ELP4: variants seen among roughly 807,000 people sequenced by gnomAD.
ELP4 encodes the protein elongator acetyltransferase complex subunit 4, also known as elongator complex protein 4.
A neutral mutation model predicts 48.9 loss-of-function variants in ELP4; 51 were observed. That is an observed-to-expected ratio of 1.04 (90% CI 0.83 to 1.32). The LOEUF (loss-of-function observed/expected upper bound fraction) is 1.32. Among genes scored for constraint, ELP4 ranks in the 40% most tolerant of loss-of-function variants. The pLI is 0.00. For synonymous variants in ELP4, 210 were observed against 189.2 expected, an observed-to-expected ratio of 1.11 and a Z score of -0.90; for missense variants, 519 against 514.6, an observed-to-expected ratio of 1.01 and a Z score of -0.08.
At chr11:31,682,474 C>A (rs1004029416) in intron 9 of ELP4, among the ~76,000 whole-genome samples, 1 of 152,176 alleles carries the variant, frequency 6.6e-6, no homozygotes, top group Non-Finnish European at 1.5e-5. Context: ...GCTCCCTGAG[C>A]CTAGCCTAGC....
chr11:31,602,560 A>G (rs543804725), intron 4 of ELP4, among the ~76,000 whole-genome samples: 1 of 151,996 alleles, frequency 6.6e-6, no homozygotes, highest in South Asian at 2.1e-4. Flanking sequence ...TGTCAAACCC[A>G]CAGACTCTGA....
intron 9 of ELP4, among the ~76,000 whole-genome samples, chr11:31,720,400 T>C (rs1052888637): frequency 6.6e-6 from 1 of 152,182 alleles, no homozygotes; most frequent in African/African-American, 2.4e-5. Context: ...AGTCCCAAGA[T>C]AGTTTGGCAC....
At chr11:31,560,140 T>A (rs1328266146) in intron 3 of ELP4, among the ~76,000 whole-genome samples, 1 of 152,138 alleles carries the variant, frequency 6.6e-6, no homozygotes, top group Non-Finnish European at 1.5e-5. Flanking sequence ...TGTGTTCCTG[T>A]GCTAGGAATT....
chr11:31,597,952 CTTTTT>C (rs58093641), intron 4 of ELP4, among the ~76,000 whole-genome samples: 1 of 96,296 alleles, frequency 1.0e-5, no homozygotes, highest in Non-Finnish European at 2.0e-5. Flanking sequence ...AGCCTTTTCT[CTTTTT>C]TTTTTTTTTT....
At chr11:31,648,028 CTA>C (rs1412858439) in intron 8 of ELP4, 179 bp downstream of exon 8, 2 of 467,994 alleles carry the variant, frequency 4.3e-6, no homozygotes, top group African/African-American at 4.0e-5. Context: ...TACATTAAGA[CTA>C]TAGACTATAA....
intron 5 of ELP4, among the ~76,000 whole-genome samples, chr11:31,607,227 C>G (rs1240739977): frequency 6.6e-6 from 1 of 152,144 alleles, no homozygotes; most frequent in Non-Finnish European, 1.5e-5. Flanking sequence ...TTTAAGCCCC[C>G]CAATCTATGG....
At chr11:31,748,243 CTT>C (rs374889218) in intron 9 of ELP4, among the ~76,000 whole-genome samples, 17 of 130,510 alleles carry the variant, frequency 1.3e-4, no homozygotes, top group Admixed American at 2.3e-4. Context: ...AAACCAAGAT[CTT>C]TTTTTTTTTT....
intron 9 of ELP4, among the ~76,000 whole-genome samples, chr11:31,684,337 G>A (rs1946117920): frequency 6.6e-6 from 1 of 152,058 alleles, no homozygotes; most frequent in Non-Finnish European, 1.5e-5. Flanking sequence ...CTCCCAAGTA[G>A]CTGAAATTAC....
intron 9 of ELP4, among the ~76,000 whole-genome samples, chr11:31,727,405 T>G (rs1302528194): frequency 6.6e-6 from 1 of 152,118 alleles, no homozygotes; most frequent in Non-Finnish European, 1.5e-5. Flanking sequence ...TCATGTTCTT[T>G]CTAATATAGC....
chr11:31,745,360 T>C (rs531816216), intron 9 of ELP4, among the ~76,000 whole-genome samples: 1 of 152,186 alleles, frequency 6.6e-6, no homozygotes, highest in African/African-American at 2.4e-5. Flanking sequence ...AAGCTACCAA[T>C]GACTTTCTTC....
At chr11:31,722,355 G>A (rs1946980848) in intron 9 of ELP4, among the ~76,000 whole-genome samples, 1 of 152,092 alleles carries the variant, frequency 6.6e-6, no homozygotes. Context: ...TGATAATCTT[G>A]GAAATATTGA....
chr11:31,632,351 T>C lies in ELP4; in HGVS notation c.873T>C (p.Leu291=), dbSNP rs762938772. ...LTKFLYVLRG[L]LRTSLSACII... ...AGTTCCTCTATGTTCTCCGTGGTCTTCTGAGAACCTCTCTTTCAGCCTGCA... is the reference window on the plus strand; with the variant it reads ...AGTTCCTCTATGTTCTCCGTGGTCTCCTGAGAACCTCTCTTTCAGCCTGCA... The change falls in exon 7 of 10, where the codon CTT becomes CTC. Residue 291 remains leucine (L), a synonymous_variant. Coordinates refer to ENST00000640961, the MANE Select transcript of ELP4 (RefSeq NM_019040.5). The C allele has an allele frequency of 6.2e-7, 1 of 1,613,342 alleles. No individual in the cohort carries two copies. The highest frequency in any genetic ancestry group is 8.5e-7 in the Non-Finnish European group (1 of 1,179,624).
intron 3 of ELP4, among the ~76,000 whole-genome samples, chr11:31,565,003 A>G (rs1388878014): frequency 6.6e-6 from 1 of 152,204 alleles, no homozygotes; most frequent in African/African-American, 2.4e-5. Flanking sequence ...ACAGTATAAA[A>G]GTGTTCCTAT....
At chr11:31,719,113 G>T (rs777595347) in intron 9 of ELP4, among the ~76,000 whole-genome samples, 13 of 152,054 alleles carry the variant, frequency 8.5e-5, no homozygotes, top group Admixed American at 2.6e-4. Context: ...TTAAAAATTA[G>T]CCAGGTGTGG....
chr11:31,668,053 T>G (rs1462237869), intron 9 of ELP4, among the ~76,000 whole-genome samples: 1 of 152,210 alleles, frequency 6.6e-6, no homozygotes, highest in Non-Finnish European at 1.5e-5. Context: ...TGCTTTATAG[T>G]AAATATTCAA....
intron 3 of ELP4, among the ~76,000 whole-genome samples, chr11:31,580,108 C>T (rs1357347086): frequency 6.6e-6 from 1 of 152,064 alleles, no homozygotes; most frequent in Non-Finnish European, 1.5e-5. Flanking sequence ...TGTGTGATTT[C>T]TTTCCTGTAG....
chr11:31,659,585 G>C (rs1419359142), intron 9 of ELP4, among the ~76,000 whole-genome samples: 1 of 151,974 alleles, frequency 6.6e-6, no homozygotes, highest in Non-Finnish European at 1.5e-5. Flanking sequence ...GAATGTATTT[G>C]GGTGTTTTTT....
chr11:31,572,860 C>T (rs913423407), intron 3 of ELP4, among the ~76,000 whole-genome samples: 3 of 152,062 alleles, frequency 2.0e-5, no homozygotes, highest in Admixed American at 2.0e-4. Context: ...AAACAGTTAG[C>T]TGGGCATGGT....
At chr11:31,599,611 C>A (rs115950767) in intron 4 of ELP4, 1 of 152,286 alleles carries the variant, frequency 6.6e-6, no homozygotes, top group Non-Finnish European at 1.5e-5. Context: ...CACAGTTTCA[C>A]ATACCTGTGG....
Sources: allele counts gnomAD v4.1 joint callset (sites outside exome capture counted in the v4.1 genomes callset), GRCh38; gene constraint gnomAD v4.1.1; transcripts MANE v1.5; gene names NCBI Gene and HGNC (gene_info 2026-07-23, HGNC 2026-07-21).